Variants in CCDC92 observed in about 807,000 individuals in gnomAD.
CCDC92 encodes the protein coiled-coil domain containing 92, also known as coiled-coil domain-containing protein 92.
CCDC92 carries 12 observed loss-of-function variants against 24.9 expected under a neutral mutation model. The ratio of observed to expected loss-of-function variants is 0.48; its 90% CI spans 0.31 to 0.78. CCDC92 has a LOEUF of 0.78. Among genes scored for constraint, CCDC92 ranks in the 30% least tolerant of loss-of-function variants. The probability of loss-of-function intolerance (pLI) is 0.05; values close to 1 mark genes in which losing one functional copy is unlikely to be tolerated. For synonymous variants in CCDC92, 193 were observed against 196.3 expected, an observed-to-expected ratio of 0.98 and a Z score of 0.14; for missense variants, 399 against 439.4, an observed-to-expected ratio of 0.91 and a Z score of 0.82.
intron 1 of CCDC92, among the ~76,000 whole-genome samples, chr12:123,958,242 G>A (rs1016970313): frequency 5.3e-5 from 8 of 151,664 alleles, no homozygotes; most frequent in Non-Finnish European, 8.8e-5. Flanking sequence ...TAGTAGAGAC[G>A]GGGTTTCTCC....
intron 1 of CCDC92, among the ~76,000 whole-genome samples, chr12:123,959,965 G>A (rs185537060): frequency 3.9e-5 from 6 of 152,310 alleles, no homozygotes; most frequent in East Asian, 1.9e-4. Context: ...GGGACCTGCC[G>A]TGGCCAGTGC....
At chr12:123,952,994 C>T (rs1216399392) in intron 1 of CCDC92, among the ~76,000 whole-genome samples, 1 of 152,124 alleles carries the variant, frequency 6.6e-6, no homozygotes, top group Non-Finnish European at 1.5e-5. Context: ...TCTTCTACAA[C>T]ATGAGAAATA....
chr12:123,944,122 G>C, intron 2 of CCDC92, 150 bp downstream of exon 2: 2 of 651,782 alleles, frequency 3.1e-6, no homozygotes, highest in East Asian at 2.9e-5. Context: ...ACAGCACTGA[G>C]AGGAGCCACA....
rs1956304924 is a variant in CCDC92, at chr12:123,962,861, A to ATTT, written c.-60+9667_-60+9668insAAA. 23 of 151,846 alleles carry ATTT rather than the reference A, an allele frequency of 1.5e-4. 1 individual carries two copies. The South Asian group carries it at 1.7e-3, about 11-fold the overall frequency. The allele number at this position is 151,846 out of a possible 1,614,324, so 9.4% of individuals were successfully genotyped here. On this transcript the variant is annotated intron_variant, in intron 1 of 4. Transcript: ENST00000238156. The stretch of plus-strand genomic sequence containing the variant: ...GATGCAAGATATAGGTTTTTTTTTA[A>ATTT]AAAATCTAAAGAACAGATGGAATTA...
chr12:123,966,067 T>C (rs1281611954), intron 1 of CCDC92: 3 of 152,238 alleles, frequency 2.0e-5, no homozygotes, highest in Admixed American at 6.5e-5. Context: ...ACACAATGAC[T>C]GTCAAAAAGA....
chr12:123,936,977 G>A lies in CCDC92; in HGVS notation c.*81C>T, dbSNP rs1955516715. On this transcript the variant is annotated 3_prime_UTR_variant, in exon 5 of 5. Coordinates refer to ENST00000238156, the MANE Select transcript of CCDC92 (RefSeq NM_025140.3). ...TGTGAAAAGTGTTTGGCATGCATGG[G>A]ATTAAACAGAAAAGGTGTGGCTGAG... The A allele has an allele frequency of 6.0e-6, 9 of 1,508,826 alleles. No homozygotes were observed. Among genetic ancestry groups the A allele is most frequent in the African/African-American group, 1.4e-5 (1 of 73,022 alleles). The allele number at this position is 1,508,826 out of a possible 1,614,324, so 93.5% of individuals were successfully genotyped here.
intron 1 of CCDC92, among the ~76,000 whole-genome samples, chr12:123,962,281 G>A (rs183364199): frequency 6.6e-6 from 1 of 152,342 alleles, no homozygotes; most frequent in East Asian, 1.9e-4. Context: ...GCTATTCTGT[G>A]TGGAAACATG....
chr12:123,954,665 C>A (rs1166759312), intron 1 of CCDC92, among the ~76,000 whole-genome samples: 1 of 152,206 alleles, frequency 6.6e-6, no homozygotes, highest in African/African-American at 2.4e-5. Context: ...TGTGAAAATG[C>A]CTCATGAAGA....
rs560621579 is a variant in CCDC92, at chr12:123,939,549, A to T, written c.224-1719T>A. Among the ~76,000 whole-genome samples the T allele has an allele frequency of 8.7e-4, 133 of 152,292 alleles. 1 individual carries two copies. Among genetic ancestry groups the T allele is most frequent in the South Asian group, 2.5e-3 (12 of 4,820 alleles). ...TGGACATATCCATGGTAAGTCGAGG[A>T]GTGTACTGAATGGGTATTGCCCCAT... is the stretch of plus-strand genomic sequence containing the variant. On this transcript the variant is annotated intron_variant, in intron 4 of 4. Coordinates refer to ENST00000238156, the MANE Select transcript of CCDC92 (RefSeq NM_025140.3).
chr12:123,937,951 G>C lies in CCDC92; in HGVS notation c.224-121C>G, dbSNP rs1421961068. On this transcript the variant is annotated intron_variant, in intron 4 of 4. Coordinates refer to ENST00000238156, the MANE Select transcript of CCDC92 (RefSeq NM_025140.3). The surrounding 1 kb of genome is among the most constrained non-coding windows in gnomAD (Gnocchi z 8.4). ...CTGTCTAGGCTGTGGGGGCCATGCA[G>C]AAGGCAGGGCTGTGGGGGCTCTGGA... The C allele has an allele frequency of 9.9e-7, 1 of 1,013,980 alleles. No individual in the cohort carries two copies. The highest frequency in any genetic ancestry group is 1.6e-5 in the African/African-American group (1 of 62,098). The allele number at this position is 1,013,980 out of a possible 1,614,324, so 62.8% of individuals were successfully genotyped here.
At chr12:123,963,272 C>T (rs1956316862) in intron 1 of CCDC92, among the ~76,000 whole-genome samples, 2 of 152,240 alleles carry the variant, frequency 1.3e-5, no homozygotes, top group South Asian at 4.1e-4. Context: ...ATCCTGCTCT[C>T]TCTGGGTTTC....
In CCDC92 at chr12:123,943,915, C is replaced by T. The variant is rs573279816; in HGVS notation, c.34+357G>A. ...TTCCAAATCCTGTCCTCTCCACGCA[C>T]CACCTCACCCCAACAGACTGTGACT... On this transcript the variant is annotated intron_variant, in intron 2 of 4. Transcript: ENST00000238156. 7.0e-5 allele frequency: 32 copies of T among 454,644 alleles called. No individual in the cohort carries two copies. The East Asian group carries it at 1.1e-3, about 16-fold the overall frequency. 28.2% of individuals were successfully genotyped at this position (454,644 alleles called of 1,614,324 possible).
At position 123,937,457 on chromosome 12, in the gene CCDC92, G is replaced by T. The variant is rs763083665; in HGVS notation, c.597C>A (p.Pro199=). 2 of 1,613,394 alleles carry T rather than the reference G, an allele frequency of 1.2e-6. No homozygotes were observed. The highest frequency in any genetic ancestry group is 1.6e-4 in the Middle Eastern group (1 of 6,062). ...TTTTCATGCGGCGGCGAGGCGTTTCGGGTAGCTTGTCTTTGGGGGGCGCTG... is the reference window on the plus strand; with the variant it reads ...TTTTCATGCGGCGGCGAGGCGTTTCTGGTAGCTTGTCTTTGGGGGGCGCTG... ...YKPAPPKDKL[P]ETPRRRMKKS... is the part of the protein sequence containing the mutation. The change falls in exon 5 of 5, where the codon CCC becomes CCA. Residue 199 remains proline, a synonymous_variant. Coordinates refer to ENST00000238156, the MANE Select transcript of CCDC92 (RefSeq NM_025140.3). The surrounding 1 kb of genome is among the most constrained non-coding windows in gnomAD (Gnocchi z 8.4).
chr12:123,940,702 CA>C (rs1955657749), intron 4 of CCDC92, among the ~76,000 whole-genome samples: 1 of 152,236 alleles, frequency 6.6e-6, no homozygotes, highest in Admixed American at 6.5e-5. Flanking sequence ...TGCTGGTCTC[CA>C]AACGCTGCAC....
In CCDC92 at chr12:123,936,120, C is replaced by T. The variant is rs568123943; in HGVS notation, c.*938G>A. On this transcript the variant is annotated 3_prime_UTR_variant, in exon 5 of 5. Coordinates refer to ENST00000238156, the MANE Select transcript of CCDC92 (RefSeq NM_025140.3). ...AGTGGTCACTGGGCACCCCTTCCCTCTGTGCACCATGAGGCTGGCCTGGAG... is the reference window on the plus strand; with the variant it reads ...AGTGGTCACTGGGCACCCCTTCCCTTTGTGCACCATGAGGCTGGCCTGGAG... 1.3e-5 allele frequency: 2 copies of T among 152,794 alleles called. No individual in the cohort carries two copies. Among genetic ancestry groups the T allele is most frequent in the South Asian group, 4.1e-4 (2 of 4,834 alleles). The allele number at this position is 152,794 out of a possible 1,614,324, so 9.5% of individuals were successfully genotyped here. A position where few individuals can be genotyped will look rare whatever the true frequency, so the allele number is the denominator to read the frequency against.
chr12:123,943,110 T>G (rs1037604027), intron 3 of CCDC92, among the ~76,000 whole-genome samples: 10 of 152,242 alleles, frequency 6.6e-5, no homozygotes, highest in Non-Finnish European at 1.3e-4. Flanking sequence ...CAAAACACAT[T>G]GGAGATTCTA....
chr12:123,959,728 G>C (rs529525531), intron 1 of CCDC92, among the ~76,000 whole-genome samples: 1 of 152,320 alleles, frequency 6.6e-6, no homozygotes, highest in African/African-American at 2.4e-5. Flanking sequence ...AGCTGTTGCG[G>C]CCACATGTAG....
chr12:123,937,290 A>G lies in CCDC92; in HGVS notation c.764T>C (p.Val255Ala). 2 of 1,612,828 alleles carry G rather than the reference A, an allele frequency of 1.2e-6. No individual in the cohort carries two copies. Among genetic ancestry groups the G allele is most frequent in the Non-Finnish European group, 1.7e-6 (2 of 1,179,984 alleles). ...PFLLARESAEVHLIKERPLVI... is the reference protein window; with the variant it reads ...PFLLARESAEAHLIKERPLVI... ...GAGGGGCCTCTCTTTGATGAGGTGG[A>G]CCTCGGCGGACTCCCTAGCCAGCAG... is the stretch of plus-strand genomic sequence containing the variant. The change falls in exon 5 of 5, where the codon GTC (valine) becomes GCC (alanine). Residue 255 changes from valine (V) to alanine (A), a missense_variant. Physicochemically the swap from Val to Ala is moderately conservative, Grantham distance 64. Transcript: ENST00000238156. The surrounding 1 kb of genome is among the most constrained non-coding windows in gnomAD (Gnocchi z 8.4).
Position 123,937,968 on chromosome 12 carries a change from G to T in CCDC92, c.224-138C>A. On this transcript the variant is annotated intron_variant, in intron 4 of 4. Coordinates refer to ENST00000238156, the MANE Select transcript of CCDC92 (RefSeq NM_025140.3). The surrounding 1 kb of genome is among the most constrained non-coding windows in gnomAD (Gnocchi z 8.4). ...GCCATGCAGAAGGCAGGGCTGTGGG[G>T]GCTCTGGAAAGACCCCTCCCCTCCC... is the stretch of plus-strand genomic sequence containing the variant. 1 of 874,396 alleles carries T rather than the reference G, an allele frequency of 1.1e-6. No homozygotes were observed. Among genetic ancestry groups the T allele is most frequent in the Non-Finnish European group, 1.7e-6 (1 of 577,270 alleles). The allele number at this position is 874,396 out of a possible 1,614,324, so 54.2% of individuals were successfully genotyped here.
Sources: allele counts gnomAD v4.1 joint callset (sites outside exome capture counted in the v4.1 genomes callset), GRCh38; gene constraint gnomAD v4.1.1; non-coding constraint Gnocchi (gnomAD v3.1); transcripts MANE v1.5; gene names NCBI Gene and HGNC (gene_info 2026-07-23, HGNC 2026-07-21).